RNLS: variants seen among roughly 807,000 people sequenced by gnomAD.
RNLS encodes the protein renalase, FAD dependent amine oxidase.
A neutral mutation model predicts 39.8 loss-of-function variants in RNLS; 39 were observed. The ratio of observed to expected loss-of-function variants is 0.98; its 90% CI spans 0.76 to 1.28. The LOEUF is 1.28. Among genes scored for constraint, RNLS ranks in the 50% most tolerant of loss-of-function variants. The pLI is 0.00. For missense variants in RNLS, 410 were observed against 413.3 expected (o/e 0.99, Z 0.07); for synonymous variants, 147 against 150.7 (o/e 0.98, Z 0.18).
intron 5 of RNLS, among the ~76,000 whole-genome samples, chr10:88,332,239 G>T (rs556025467): frequency 6.6e-6 from 1 of 152,354 alleles, no homozygotes; most frequent in East Asian, 1.9e-4. Context: ...GGGCAACTTT[G>T]TTACCTCCAA....
chr10:88,474,504 T>C (rs1180662247), intron 4 of RNLS, among the ~76,000 whole-genome samples: 1 of 152,190 alleles, frequency 6.6e-6, no homozygotes, highest in East Asian at 1.9e-4. Context: ...AAATGCCCTG[T>C]AGGAAGGCGG....
intron 5 of RNLS, among the ~76,000 whole-genome samples, chr10:88,337,962 G>A (rs1004161490): frequency 6.6e-6 from 1 of 152,126 alleles, no homozygotes; most frequent in African/African-American, 2.4e-5. Context: ...GTGTAAAACA[G>A]AAGATTAGAT....
the RNLS span, among the ~76,000 whole-genome samples, chr10:88,264,427 A>C: frequency 3.2e-4 from 48 of 152,276 alleles, no homozygotes; most frequent in East Asian, 9.3e-3. Flanking sequence ...ACTAGTTTAC[A>C]TTTCTACCAG....
chr10:88,365,353 G>A (rs1040207393), intron 4 of RNLS, among the ~76,000 whole-genome samples: 1 of 140,722 alleles, frequency 7.1e-6, no homozygotes, highest in African/African-American at 2.7e-5. Flanking sequence ...ACCAGCCCTA[G>A]GTCCCACATA....
rs1855073055 is a variant in RNLS at position 88,430,584 on chromosome 10, A to C, written c.527-67859T>G. Among the ~76,000 whole-genome samples, 3 of 151,886 alleles carry C rather than the reference A, an allele frequency of 2.0e-5. No homozygotes were observed. In the South Asian group the frequency reaches 6.2e-4, roughly 31 times the overall value. On this transcript the variant is annotated intron_variant, in intron 4 of 6. Coordinates refer to ENST00000331772, the MANE Select transcript of RNLS (RefSeq NM_001031709.3). ...CTTGTACTCAACAGTAGTAGGAAAGAAAGCATTTGGTTTTTTTACTACGAA... is the reference window on the plus strand; with the variant it reads ...CTTGTACTCAACAGTAGTAGGAAAGCAAGCATTTGGTTTTTTTACTACGAA...
chr10:88,519,649 G>C lies in RNLS; in HGVS notation c.526+53254C>G, dbSNP rs1052018620. 1.8e-4 allele frequency among the ~76,000 whole-genome samples: 27 copies of C among 148,284 alleles called. 1 individual carries two copies. Among genetic ancestry groups the C allele is most frequent in the African/African-American group, 5.7e-4 (23 of 40,490 alleles). ...TCACAAATATTTATGGATCCCCAAGGGTTATCTTATGTGTGCTCTTGAATA... is the reference window on the plus strand; with the variant it reads ...TCACAAATATTTATGGATCCCCAAGCGTTATCTTATGTGTGCTCTTGAATA... On this transcript the variant is annotated intron_variant, in intron 4 of 6. Coordinates refer to ENST00000331772, the MANE Select transcript of RNLS (RefSeq NM_001031709.3).
intron 4 of RNLS, chr10:88,545,333 G>A: frequency 2.6e-6 from 1 of 381,592 alleles, no homozygotes; most frequent in South Asian, 2.0e-5. Flanking sequence ...ATACTGCTAT[G>A]AAGAAACACC....
At chr10:88,386,554 T>C (rs1039943339) in intron 4 of RNLS, among the ~76,000 whole-genome samples, 1 of 152,346 alleles carries the variant, frequency 6.6e-6, no homozygotes, top group East Asian at 1.9e-4. Flanking sequence ...TTTTTCCTTA[T>C]CAAACGTCTT....
intron 4 of RNLS, among the ~76,000 whole-genome samples, chr10:88,369,940 C>G (rs1395693220): frequency 6.6e-6 from 1 of 152,174 alleles, no homozygotes; most frequent in Admixed American, 6.5e-5. Context: ...CCCGCCTTGG[C>G]CTCCCAAAGT....
intron 4 of RNLS, among the ~76,000 whole-genome samples, chr10:88,490,866 A>G (rs2134063667): frequency 6.6e-6 from 1 of 152,320 alleles, no homozygotes; most frequent in South Asian, 2.1e-4. Flanking sequence ...AATCCTATCA[A>G]AAATATTTTC....
At chr10:88,478,921 TTCTG>T (rs950261139) in intron 4 of RNLS, among the ~76,000 whole-genome samples, 29 of 151,954 alleles carry the variant, frequency 1.9e-4, no homozygotes, top group African/African-American at 5.8e-4. Flanking sequence ...CTCTCTCTCT[TTCTG>T]TCTGTCTCTC....
intron 4 of RNLS, among the ~76,000 whole-genome samples, chr10:88,435,624 T>C (rs1421373262): frequency 3.9e-5 from 6 of 152,042 alleles, no homozygotes; most frequent in Non-Finnish European, 7.4e-5. Flanking sequence ...ATTAGAAGTT[T>C]CCAGACAACA....
the RNLS span, among the ~76,000 whole-genome samples, chr10:88,202,136 A>G: frequency 5.7e-4 from 87 of 152,234 alleles, no homozygotes; most frequent in East Asian, 8.7e-3. Context: ...TGATGAGTTC[A>G]TGTCCTTTGT....
intron 4 of RNLS, among the ~76,000 whole-genome samples, chr10:88,406,826 T>C (rs1026537209): frequency 6.6e-6 from 1 of 151,714 alleles, no homozygotes; most frequent in Non-Finnish European, 1.5e-5. Context: ...AATCAACAAG[T>C]GGATAAAGAA....
intron 3 of RNLS, among the ~76,000 whole-genome samples, chr10:88,574,342 C>T (rs1850028345): frequency 6.6e-6 from 1 of 152,126 alleles, no homozygotes; most frequent in South Asian, 2.1e-4. Flanking sequence ...TCATCTTTAC[C>T]TGGGAAATCT....
At chr10:88,451,541 TG>T (rs1300867369) in intron 4 of RNLS, among the ~76,000 whole-genome samples, 4 of 152,204 alleles carry the variant, frequency 2.6e-5, no homozygotes, top group Non-Finnish European at 5.9e-5. Context: ...AGATGTCTCA[TG>T]GGATCTTGAA....
chr10:88,265,092 T>C, the RNLS span, among the ~76,000 whole-genome samples: 1 of 152,130 alleles, frequency 6.6e-6, no homozygotes, highest in African/African-American at 2.4e-5. Flanking sequence ...TTGAATAGGG[T>C]GTCCTTTCCC....
At chr10:88,563,311 A>T (rs945550828) in intron 4 of RNLS, among the ~76,000 whole-genome samples, 1 of 152,194 alleles carries the variant, frequency 6.6e-6, no homozygotes, top group Non-Finnish European at 1.5e-5. Flanking sequence ...CTGTTTCCAT[A>T]GGAAAAGAGT....
At chr10:88,546,746 C>G (rs1277683049) in intron 4 of RNLS, among the ~76,000 whole-genome samples, 2 of 152,022 alleles carry the variant, frequency 1.3e-5, no homozygotes, top group East Asian at 3.9e-4. Flanking sequence ...AAGAAATAAT[C>G]CAGGCAAGAA....
Sources: gnomAD v4.1 joint callset for allele counts (sites outside exome capture counted in the v4.1 genomes callset) on GRCh38, gnomAD v4.1.1 for gene constraint, MANE v1.5 for transcripts, NCBI Gene and HGNC (gene_info 2026-07-23, HGNC 2026-07-21) for gene names.